Variants in UVRAG observed in about 807,000 individuals in gnomAD.
UVRAG encodes the protein UV radiation resistance-associated gene protein.
Under a neutral mutation model 78.0 loss-of-function variants are expected in UVRAG, and 19 were observed. That is an observed-to-expected ratio of 0.24 (90% CI 0.17 to 0.36). The LOEUF (loss-of-function observed/expected upper bound fraction) is 0.36, where lower values mean the gene tolerates loss of function less well. UVRAG is among the 10% of genes least tolerant of loss of function. UVRAG has a pLI of 1.00. For synonymous variants in UVRAG, 323 were observed against 324.6 expected, an observed-to-expected ratio of 1.00 and a Z score of 0.05; for missense variants, 740 against 853.8, an observed-to-expected ratio of 0.87 and a Z score of 1.66.
At chr11:76,122,581 A>G (rs1305315217) in intron 14 of UVRAG, among the ~76,000 whole-genome samples, 3 of 152,336 alleles carry the variant, frequency 2.0e-5, no homozygotes, top group African/African-American at 4.8e-5. Context: ...GTTACTGTCT[A>G]TATCTTTTTA....
At chr11:75,980,262 A>G (rs1949363583) in intron 7 of UVRAG, 1 of 152,542 alleles carries the variant, frequency 6.6e-6, no homozygotes, top group African/African-American at 2.4e-5. Context: ...CCTGATCTCA[A>G]GTGATCCTTT....
intron 14 of UVRAG, chr11:76,137,210 G>A (rs1164736013): frequency 2.5e-6 from 1 of 392,618 alleles, no homozygotes; most frequent in Non-Finnish European, 5.1e-6. Flanking sequence ...TGCTTTACAA[G>A]AACACAGCAA....
At chr11:75,985,494 C>A (rs898517873) in intron 8 of UVRAG, among the ~76,000 whole-genome samples, 1 of 152,046 alleles carries the variant, frequency 6.6e-6, no homozygotes, top group Non-Finnish European at 1.5e-5. Flanking sequence ...TTCTCCCATT[C>A]TGTGGCTTGC....
intron 8 of UVRAG, among the ~76,000 whole-genome samples, chr11:76,001,051 T>G (rs1294600432): frequency 2.6e-5 from 4 of 152,224 alleles, no homozygotes; most frequent in Admixed American, 2.6e-4. Flanking sequence ...AATCTGCATT[T>G]CTTTCAAGTA....
chr11:76,117,370 G>A (rs1433365215), intron 14 of UVRAG, among the ~76,000 whole-genome samples: 7 of 152,178 alleles, frequency 4.6e-5, no homozygotes, highest in Middle Eastern at 3.2e-3. Context: ...TTTCTCCACT[G>A]ATGATAATGG....
chr11:76,129,938 C>G (rs1456977906), intron 14 of UVRAG, among the ~76,000 whole-genome samples: 1 of 151,424 alleles, frequency 6.6e-6, no homozygotes, highest in Non-Finnish European at 1.5e-5. Flanking sequence ...CTCTCGCTCT[C>G]TCTCTCTCTC....
chr11:76,129,876 C>G (rs1952480976), intron 14 of UVRAG, among the ~76,000 whole-genome samples: 1 of 152,106 alleles, frequency 6.6e-6, no homozygotes. Context: ...ATGTCTCTCT[C>G]TCTCTCTCTC....
intron 7 of UVRAG, among the ~76,000 whole-genome samples, chr11:75,967,879 G>A (rs1450833671): frequency 1.3e-5 from 2 of 152,152 alleles, no homozygotes; most frequent in Non-Finnish European, 2.9e-5. Flanking sequence ...AGTAATATGC[G>A]AATATGTTTT....
At chr11:75,987,636 G>A (rs1949526837) in intron 8 of UVRAG, among the ~76,000 whole-genome samples, 1 of 151,886 alleles carries the variant, frequency 6.6e-6, no homozygotes, top group Non-Finnish European at 1.5e-5. Context: ...ATTTCATAGA[G>A]GGTTTAATAA....
At chr11:75,971,834 C>T (rs1949127443) in intron 7 of UVRAG, among the ~76,000 whole-genome samples, 1 of 152,110 alleles carries the variant, frequency 6.6e-6, no homozygotes, top group Admixed American at 6.5e-5. Flanking sequence ...TACAGGTGTA[C>T]ACCACCATGC....
chr11:75,918,082 G>A (rs1040423562), intron 6 of UVRAG, among the ~76,000 whole-genome samples: 17 of 151,814 alleles, frequency 1.1e-4, no homozygotes, highest in African/African-American at 3.9e-4. Context: ...TAAAAGATAC[G>A]TGGGCTGGGT....
chr11:76,069,864 A>G (rs1291712797), intron 13 of UVRAG, among the ~76,000 whole-genome samples: 1 of 152,176 alleles, frequency 6.6e-6, no homozygotes, highest in Non-Finnish European at 1.5e-5. Context: ...ATCAAAGAAG[A>G]CGACATTCCC....
chr11:75,990,530 A>G (rs147405757), intron 8 of UVRAG, among the ~76,000 whole-genome samples: 36 of 152,346 alleles, frequency 2.4e-4, no homozygotes, highest in African/African-American at 8.2e-4. Context: ...CCTTTAAGAT[A>G]AAAGTCTCAG....
intron 13 of UVRAG, among the ~76,000 whole-genome samples, chr11:76,083,116 C>CA (rs1200840354): frequency 3.3e-5 from 5 of 152,178 alleles, no homozygotes; most frequent in Non-Finnish European, 7.4e-5. Context: ...TAAACTAAAA[C>CA]AAAAAAGAAT....
intron 5 of UVRAG, among the ~76,000 whole-genome samples, chr11:75,889,639 G>C (rs983553870): frequency 6.6e-6 from 1 of 152,136 alleles, no homozygotes. Context: ...ATAGCTCTTG[G>C]TTGTCTGAAA....
intron 12 of UVRAG, among the ~76,000 whole-genome samples, chr11:76,054,753 G>C (rs891022274): frequency 6.6e-6 from 1 of 152,120 alleles, no homozygotes; most frequent in African/African-American, 2.4e-5. Flanking sequence ...TATTTGTCAT[G>C]TCTCTCTCAC....
At chr11:75,940,310 T>C (rs564140443) in intron 6 of UVRAG, among the ~76,000 whole-genome samples, 2 of 152,166 alleles carry the variant, frequency 1.3e-5, no homozygotes, top group Non-Finnish European at 2.9e-5. Flanking sequence ...AGTACTAACA[T>C]TATCATGGTC....
chr11:75,993,824 C>T (rs760428374), intron 8 of UVRAG, among the ~76,000 whole-genome samples: 4 of 152,134 alleles, frequency 2.6e-5, no homozygotes, highest in African/African-American at 4.8e-5. Flanking sequence ...CCAACATCTG[C>T]TCCAGGTGAG....
intron 7 of UVRAG, among the ~76,000 whole-genome samples, chr11:75,972,851 TCTAA>T (rs1452547457): frequency 1.3e-5 from 2 of 152,184 alleles, no homozygotes; most frequent in African/African-American, 4.8e-5. Context: ...CAGGAAGACA[TCTAA>T]CTTTTTATAC....
Sources: allele counts gnomAD v4.1 joint callset (sites outside exome capture counted in the v4.1 genomes callset), GRCh38; gene constraint gnomAD v4.1.1; transcripts MANE v1.5; gene names NCBI Gene and HGNC (gene_info 2026-07-23, HGNC 2026-07-21).